ZFYVE9: variants seen among roughly 807,000 people sequenced by gnomAD.
ZFYVE9 encodes zinc finger FYVE-type containing 9.
In ZFYVE9, 43 loss-of-function variants were observed where a neutral mutation model predicts 126.7. The observed-to-expected ratio is 0.34, with a 90% CI of 0.27 to 0.44. The LOEUF (loss-of-function observed/expected upper bound fraction) is 0.44. ZFYVE9 is among the 20% of genes least tolerant of loss of function. The pLI is 1.00. For synonymous variants in ZFYVE9, 521 were observed against 597.4 expected, an observed-to-expected ratio of 0.87 and a Z score of 1.87; for missense variants, 1,476 against 1,697.0, an observed-to-expected ratio of 0.87 and a Z score of 2.29.
chr1:52,306,519 G>A (rs1174745422), intron 13 of ZFYVE9, among the ~76,000 whole-genome samples: 1 of 152,234 alleles, frequency 6.6e-6, no homozygotes, highest in Non-Finnish European at 1.5e-5. Context: ...CCTGGATGCA[G>A]GACAAGAACT....
chr1:52,311,215 A>G (rs1424360036), intron 13 of ZFYVE9, among the ~76,000 whole-genome samples: 1 of 151,792 alleles, frequency 6.6e-6, no homozygotes, highest in African/African-American at 2.4e-5. Context: ...ATGATGAGCC[A>G]TAGTGAAAGA....
At chr1:52,337,451 A>T (rs577858452) in intron 15 of ZFYVE9, among the ~76,000 whole-genome samples, 11 of 152,360 alleles carry the variant, frequency 7.2e-5, no homozygotes, top group African/African-American at 2.6e-4. Context: ...TGACCAGAGG[A>T]TGATAAATGC....
intron 1 of ZFYVE9, among the ~76,000 whole-genome samples, chr1:52,148,947 ATTTTTTTTTTTT>A (rs56300233): frequency 0.033 from 1,142 of 34,246 alleles, 27 homozygotes; most frequent in African/African-American, 0.095. Flanking sequence ...CCTTAACATG[ATTTTTTTTTTTT>A]TTTTTTTTTT....
intron 1 of ZFYVE9, among the ~76,000 whole-genome samples, chr1:52,156,838 CTTT>C (rs35403349): frequency 6.9e-6 from 1 of 144,474 alleles, no homozygotes; most frequent in Non-Finnish European, 1.5e-5. Flanking sequence ...TAGTGACATT[CTTT>C]TTTTTTTTTT....
intron 1 of ZFYVE9, chr1:52,162,826 T>C: frequency 5.4e-6 from 2 of 372,696 alleles, no homozygotes; most frequent in Non-Finnish European, 1.0e-5. Flanking sequence ...CTGGATCAAG[T>C]GTGTAACGTC....
intron 4 of ZFYVE9, among the ~76,000 whole-genome samples, chr1:52,255,354 C>T (rs531542019): frequency 1.7e-4 from 26 of 152,068 alleles, no homozygotes; most frequent in South Asian, 1.0e-3. Context: ...GAGGCTGAGG[C>T]GGGCGGATCA....
chr1:52,203,684 A>C (rs1644947007), intron 1 of ZFYVE9, among the ~76,000 whole-genome samples: 1 of 144,244 alleles, frequency 6.9e-6, no homozygotes, highest in South Asian at 2.3e-4. Context: ...TGGTATTCTT[A>C]TTACACGTAT....
At chr1:52,333,019 A>G (rs1024147836) in intron 14 of ZFYVE9, 101 bp downstream of exon 14, 1 of 1,427,328 alleles carries the variant, frequency 7.0e-7, no homozygotes, top group South Asian at 1.3e-5. Flanking sequence ...TAGATAGGTG[A>G]CCACAAACAA....
At chr1:52,204,726 CAAAAAAA>C (rs566372582) in intron 1 of ZFYVE9, among the ~76,000 whole-genome samples, 4 of 144,168 alleles carry the variant, frequency 2.8e-5, no homozygotes, top group Non-Finnish European at 6.1e-5. Flanking sequence ...GACCCTGTCT[CAAAAAAA>C]AAAGAAAAGA....
At chr1:52,196,772 T>C (rs1644864862) in intron 1 of ZFYVE9, among the ~76,000 whole-genome samples, 2 of 152,134 alleles carry the variant, frequency 1.3e-5, no homozygotes, top group South Asian at 4.2e-4. Flanking sequence ...AATCTCAGCA[T>C]TTATTCACAT....
chr1:52,270,350 G>A (rs1006655921), intron 7 of ZFYVE9, among the ~76,000 whole-genome samples: 3 of 152,202 alleles, frequency 2.0e-5, no homozygotes, highest in East Asian at 1.9e-4. Context: ...TGCAAGCTCC[G>A]CCTCCCGGGT....
intron 9 of ZFYVE9, among the ~76,000 whole-genome samples, chr1:52,279,949 TG>T (rs1344920994): frequency 5.3e-5 from 8 of 152,216 alleles, no homozygotes; most frequent in Admixed American, 3.3e-4. Flanking sequence ...TGTGGGTTTC[TG>T]GCTTACTTGC....
At chr1:52,178,368 A>G (rs1045116411) in intron 1 of ZFYVE9, among the ~76,000 whole-genome samples, 3 of 142,422 alleles carry the variant, frequency 2.1e-5, no homozygotes, top group Non-Finnish European at 3.0e-5. Context: ...GTCTCGCACT[A>G]TCGCCCAGGC....
chr1:52,253,797 C>T (rs1471869856), intron 4 of ZFYVE9: 5 of 1,600,854 alleles, frequency 3.1e-6, no homozygotes, highest in Non-Finnish European at 4.3e-6. Context: ...CAGATGGCTC[C>T]CAGCCTCATT....
At chr1:52,330,819 C>T (rs528477807) in intron 13 of ZFYVE9, among the ~76,000 whole-genome samples, 64 of 152,242 alleles carry the variant, frequency 4.2e-4, no homozygotes, top group Non-Finnish European at 7.4e-4. Flanking sequence ...TTTTACCCAG[C>T]CCCTGTTCAA....
intron 1 of ZFYVE9, among the ~76,000 whole-genome samples, chr1:52,181,651 C>T (rs553654296): frequency 6.6e-5 from 10 of 151,904 alleles, no homozygotes; most frequent in East Asian, 1.9e-4. Flanking sequence ...CGCCTCTTCC[C>T]GGCCGCCATC....
chr1:52,273,987 G>A (rs375264271), intron 7 of ZFYVE9, among the ~76,000 whole-genome samples: 1 of 151,830 alleles, frequency 6.6e-6, no homozygotes, highest in African/African-American at 2.4e-5. Context: ...GAATTCATTG[G>A]CATCAAGTAC....
In ZFYVE9 at chr1:52,183,298, T is replaced by C. The variant is rs1350422090; in HGVS notation, c.-142-33071T>C. ...ACGTATATATTGGGAAGTAAACCAGTTAAGTAGACTATGAATGTTTGGGAT... is the reference window on the plus strand; with the variant it reads ...ACGTATATATTGGGAAGTAAACCAGCTAAGTAGACTATGAATGTTTGGGAT... On this transcript the variant is annotated intron_variant, in intron 1 of 18. Coordinates refer to ENST00000287727, the MANE Select transcript of ZFYVE9 (RefSeq NM_004799.4). Among the ~76,000 whole-genome samples, 5 of 152,310 alleles carry C rather than the reference T, an allele frequency of 3.3e-5. No individual in the cohort carries two copies. In the East Asian group the frequency reaches 9.6e-4, roughly 29 times the overall value.
intron 4 of ZFYVE9, among the ~76,000 whole-genome samples, chr1:52,257,413 A>G (rs1362595870): frequency 1.3e-5 from 2 of 152,216 alleles, no homozygotes; most frequent in Admixed American, 1.3e-4. Flanking sequence ...GAAGTGCCAC[A>G]TTTAAAAAAA....
Sources: gnomAD v4.1 joint callset for allele counts (sites outside exome capture counted in the v4.1 genomes callset) on GRCh38, gnomAD v4.1.1 for gene constraint, MANE v1.5 for transcripts, NCBI Gene and HGNC (gene_info 2026-07-23, HGNC 2026-07-21) for gene names.